The following ST6GALNAC3 variants were observed in gnomAD, a reference collection of about 807,000 sequenced individuals.
ST6GALNAC3 encodes ST6 N-acetylgalactosaminide alpha-2,6-sialyltransferase 3, also known as alpha-N-acetylgalactosaminide alpha-2,6-sialyltransferase 3.
In ST6GALNAC3, 25 loss-of-function variants were observed where a neutral mutation model predicts 32.7. The observed-to-expected ratio is 0.76, with a 90% confidence interval of 0.56 to 1.07. The LOEUF is 1.07. Ranked by LOEUF, ST6GALNAC3 falls within the 50% of genes least tolerant of loss-of-function variation. ST6GALNAC3 has a pLI of 0.00. For missense variants in ST6GALNAC3, 355 were observed against 382.4 expected (o/e 0.93, Z 0.60); for synonymous variants, 129 against 133.1 (o/e 0.97, Z 0.21).
chr1:76,112,343 C>T lies in ST6GALNAC3; in HGVS notation c.18+37459C>T, dbSNP rs1230050236. ...CCGGGCAGAGGCGCCCCTCACCTCC[C>T]GGACGGGGCGGCTGGCCGGGCGGGG... is the stretch of plus-strand genomic sequence containing the variant. On this transcript the variant is annotated intron_variant, in intron 1 of 4. Coordinates refer to ENST00000328299, the MANE Select transcript of ST6GALNAC3 (RefSeq NM_152996.4). Among the ~76,000 whole-genome samples, 7 of 144,600 alleles carry T rather than the reference C, an allele frequency of 4.8e-5. 2 individuals carry two copies. The highest frequency in any genetic ancestry group is 1.5e-4 in the African/African-American group (6 of 38,818). 94.9% of individuals were successfully genotyped at this position (144,600 alleles called of 152,430 possible).
intron 3 of ST6GALNAC3, among the ~76,000 whole-genome samples, chr1:76,432,725 G>A (rs1208132579): frequency 6.6e-6 from 1 of 151,970 alleles, no homozygotes; most frequent in African/African-American, 2.4e-5. Flanking sequence ...CCAGAGTGCT[G>A]GGATTACAGG....
intron 1 of ST6GALNAC3, among the ~76,000 whole-genome samples, chr1:76,079,881 G>A (rs568551839): frequency 6.6e-6 from 1 of 152,316 alleles, no homozygotes; most frequent in East Asian, 1.9e-4. Flanking sequence ...CCCTGCCTCA[G>A]CAGGCTTCCT....
At chr1:76,280,204 C>T (rs1461047950) in intron 1 of ST6GALNAC3, among the ~76,000 whole-genome samples, 1 of 152,076 alleles carries the variant, frequency 6.6e-6, no homozygotes, top group African/African-American at 2.4e-5. Flanking sequence ...TAGTGATTGC[C>T]TAAGTGGAAA....
intron 1 of ST6GALNAC3, among the ~76,000 whole-genome samples, chr1:76,209,323 G>C (rs577211605): frequency 6.1e-4 from 93 of 152,264 alleles, no homozygotes; most frequent in African/African-American, 2.0e-3. Context: ...GGCTCATAAG[G>C]CTTCATAAGC....
At chr1:76,338,696 GC>G (rs1344305307) in intron 2 of ST6GALNAC3, among the ~76,000 whole-genome samples, 2 of 150,124 alleles carry the variant, frequency 1.3e-5, no homozygotes, top group Admixed American at 1.3e-4. Flanking sequence ...GCAAAAGATG[GC>G]CCCCACCCCC....
At chr1:76,216,899 T>C (rs1190992479) in intron 1 of ST6GALNAC3, among the ~76,000 whole-genome samples, 2 of 152,216 alleles carry the variant, frequency 1.3e-5, no homozygotes, top group South Asian at 2.1e-4. Context: ...TCCTGCTACA[T>C]AAATTACAAA....
rs539352628 is a variant in ST6GALNAC3, at chr1:76,506,799, A to G, written c.623+94382A>G. Among the ~76,000 whole-genome samples, 80 of 152,340 alleles carry G rather than the reference A, an allele frequency of 5.3e-4. 2 individuals are homozygous for G. In the South Asian group the frequency reaches 0.016, roughly 30 times the overall value. ...AACACTCAAATCATGTCACAAAGGC[A>G]ATCAGCTGTCACCTCTCCATGTAGG... On this transcript the variant is annotated intron_variant, in intron 3 of 4. Transcript: ENST00000328299.
At chr1:76,575,725 G>A (rs1355387900) in intron 3 of ST6GALNAC3, among the ~76,000 whole-genome samples, 1 of 152,028 alleles carries the variant, frequency 6.6e-6, no homozygotes, top group Non-Finnish European at 1.5e-5. Context: ...TGGTATTTGG[G>A]CATCAGGGTC....
At chr1:76,210,315 T>G (rs1044375445) in intron 1 of ST6GALNAC3, among the ~76,000 whole-genome samples, 5 of 152,204 alleles carry the variant, frequency 3.3e-5, no homozygotes, top group Non-Finnish European at 7.3e-5. Context: ...TTAGTTTTTT[T>G]GGGTTTTCCT....
At chr1:76,178,464 C>A (rs916684965) in intron 1 of ST6GALNAC3, among the ~76,000 whole-genome samples, 2 of 152,138 alleles carry the variant, frequency 1.3e-5, no homozygotes, top group African/African-American at 2.4e-5. Flanking sequence ...TGTAGCTGAC[C>A]TTGATGTTTA....
At chr1:76,344,150 G>A (rs1368218452) in intron 2 of ST6GALNAC3, among the ~76,000 whole-genome samples, 1 of 152,228 alleles carries the variant, frequency 6.6e-6, no homozygotes, top group Non-Finnish European at 1.5e-5. Flanking sequence ...TGACTGACAG[G>A]TAAAGGGTGA....
intron 1 of ST6GALNAC3, among the ~76,000 whole-genome samples, chr1:76,172,737 T>A (rs529442350): frequency 9.2e-5 from 14 of 152,216 alleles, no homozygotes; most frequent in African/African-American, 3.4e-4. Flanking sequence ...CCATTTGCAA[T>A]TGTTACAAAG....
At chr1:76,075,903 T>C (rs75146817) in intron 1 of ST6GALNAC3, among the ~76,000 whole-genome samples, 142 of 152,302 alleles carry the variant, frequency 9.3e-4, no homozygotes, top group African/African-American at 3.3e-3. Context: ...TGAAGTAGCA[T>C]TTATTTCTCT....
intron 1 of ST6GALNAC3, among the ~76,000 whole-genome samples, chr1:76,292,394 C>T (rs1485242789): frequency 6.6e-6 from 1 of 152,156 alleles, no homozygotes; most frequent in East Asian, 1.9e-4. Flanking sequence ...AAGGGCAGTC[C>T]TTCGCAGAGC....
rs544152439 is a variant in ST6GALNAC3, at chr1:76,556,080, T to A, written c.624-71372T>A. Among the ~76,000 whole-genome samples the A allele has an allele frequency of 2.0e-5, 3 of 152,266 alleles. No homozygotes were observed. The Middle Eastern group carries it at 0.01, about 518-fold the overall frequency. On this transcript the variant is annotated intron_variant, in intron 3 of 4. Coordinates refer to ENST00000328299, the MANE Select transcript of ST6GALNAC3 (RefSeq NM_152996.4). The stretch of plus-strand genomic sequence containing the variant: ...TAAGCAGCCACTAATCTGCTGTCTC[T>A]ATAGATTTGCCTATTCCGGATACTC...
At chr1:76,342,343 G>T (rs544719683) in intron 2 of ST6GALNAC3, among the ~76,000 whole-genome samples, 1 of 151,800 alleles carries the variant, frequency 6.6e-6, no homozygotes, top group Admixed American at 6.6e-5. Flanking sequence ...AAAAGCATTC[G>T]TATTTCTCCA....
chr1:76,084,880 CT>C (rs1346745754), intron 1 of ST6GALNAC3, among the ~76,000 whole-genome samples: 244 of 152,210 alleles, frequency 1.6e-3, no homozygotes, highest in African/African-American at 5.8e-3. Flanking sequence ...GTCAGGCAGC[CT>C]ACTAGGTAGT....
At chr1:76,106,070 C>T (rs777085119) in intron 1 of ST6GALNAC3, among the ~76,000 whole-genome samples, 2 of 152,222 alleles carry the variant, frequency 1.3e-5, no homozygotes, top group South Asian at 2.1e-4. Context: ...ATTTTCTTCT[C>T]TGTCAAATGA....
intron 1 of ST6GALNAC3, among the ~76,000 whole-genome samples, chr1:76,239,642 C>G (rs1656854725): frequency 6.6e-6 from 1 of 152,180 alleles, no homozygotes; most frequent in Admixed American, 6.5e-5. Flanking sequence ...GCAAGGGAGG[C>G]ACCAAGCCAT....
Sources: gnomAD v4.1 joint callset for allele counts (sites outside exome capture counted in the v4.1 genomes callset) on GRCh38, gnomAD v4.1.1 for gene constraint, MANE v1.5 for transcripts, NCBI Gene and HGNC (gene_info 2026-07-23, HGNC 2026-07-21) for gene names.